Variants in KCNB2 observed in about 807,000 individuals in gnomAD.
KCNB2 encodes the protein potassium voltage-gated channel subfamily B member 2, also known as delayed rectifier potassium channel protein.
KCNB2 carries 15 observed loss-of-function variants against 61.5 expected under a neutral mutation model. That is an observed-to-expected ratio of 0.24 (90% CI 0.16 to 0.38). The LOEUF (loss-of-function observed/expected upper bound fraction) is 0.38. Among genes scored for constraint, KCNB2 ranks in the 10% least tolerant of loss-of-function variants. KCNB2 has a pLI of 1.00. For missense variants in KCNB2, 828 were observed against 1,125.2 expected, an observed-to-expected ratio of 0.74 and a Z score of 3.78; for synonymous variants, 457 against 446.0, an observed-to-expected ratio of 1.02 and a Z score of -0.31.
chr8:72,920,465 CTATCTATCTA>C lies in KCNB2; in HGVS notation c.580-15466_580-15457del, dbSNP rs1357977001. Among the ~76,000 whole-genome samples, 5 of 71,074 alleles carry C rather than the reference CTATCTATCTA, an allele frequency of 7.0e-5. 1 individual carries two copies. The highest frequency in any genetic ancestry group is 1.1e-4 in the Non-Finnish European group (4 of 35,256). The allele number at this position is 71,074 out of a possible 152,430, so 46.6% of individuals were successfully genotyped here. A position where few individuals can be genotyped will look rare whatever the true frequency, so the allele number is the denominator to read the frequency against. On this transcript the variant is annotated intron_variant, in intron 2 of 2. Transcript: ENST00000523207. Reference sequence around the variant, plus strand: ...TATATCTATCTATCTATCTATCTATCTATCTATCTATATATATATATATTAGCTGGCCATG... The same window carrying C: ...TATATCTATCTATCTATCTATCTATCTATATATATATATTAGCTGGCCATG...
intron 2 of KCNB2, among the ~76,000 whole-genome samples, chr8:72,777,673 A>G (rs1808678390): frequency 1.3e-5 from 2 of 152,238 alleles, no homozygotes; most frequent in South Asian, 4.1e-4. Context: ...TATACTCTTT[A>G]AAAATTGTGT....
chr8:72,640,800 C>A (rs1426114436), intron 2 of KCNB2, among the ~76,000 whole-genome samples: 1 of 152,026 alleles, frequency 6.6e-6, no homozygotes, highest in Non-Finnish European at 1.5e-5. Context: ...AAAACTTTAT[C>A]TTTAGACCTA....
At chr8:72,634,932 C>A (rs1805940474) in intron 2 of KCNB2, among the ~76,000 whole-genome samples, 1 of 152,108 alleles carries the variant, frequency 6.6e-6, no homozygotes, top group Admixed American at 6.6e-5. Context: ...CATTTAAGCC[C>A]CCTAGAATTC....
At chr8:72,672,825 A>G (rs145005199) in intron 2 of KCNB2, among the ~76,000 whole-genome samples, 39 of 152,302 alleles carry the variant, frequency 2.6e-4, no homozygotes, top group African/African-American at 9.1e-4. Flanking sequence ...AACTTATATC[A>G]TGCATGCTGT....
chr8:72,626,565 G>A (rs59647984), intron 2 of KCNB2, among the ~76,000 whole-genome samples: 3,913 of 152,248 alleles, frequency 0.026, 72 homozygotes, highest in South Asian at 0.079. Context: ...CACTAGTTCT[G>A]TCTAGACATT....
chr8:72,922,235 A>G (rs1266952886), intron 2 of KCNB2, among the ~76,000 whole-genome samples: 1 of 152,058 alleles, frequency 6.6e-6, no homozygotes, highest in African/African-American at 2.4e-5. Context: ...TGTGTCTCTC[A>G]TGGCCTTCTT....
At chr8:72,791,556 T>G (rs1487477514) in intron 2 of KCNB2, among the ~76,000 whole-genome samples, 4 of 151,778 alleles carry the variant, frequency 2.6e-5, no homozygotes, top group African/African-American at 4.8e-5. Context: ...TCTCAAAAAA[T>G]AAAGAAAGAA....
At chr8:72,747,685 G>A (rs1045713853) in intron 2 of KCNB2, among the ~76,000 whole-genome samples, 10 of 152,258 alleles carry the variant, frequency 6.6e-5, no homozygotes, top group African/African-American at 2.4e-4. Context: ...AGATTCTGTA[G>A]GTTCTGTATC....
In KCNB2 at chr8:72,633,054, A is replaced by G. The variant is rs566495280; in HGVS notation, c.579+64741A>G. On this transcript the variant is annotated intron_variant, in intron 2 of 2. Transcript: ENST00000523207. The stretch of plus-strand genomic sequence containing the variant: ...TGGGCTTGACTGGCTCCTCTGTTCC[A>G]GGTCTCACAAACTGAAGTCAAGATG... Among the ~76,000 whole-genome samples, 21 of 152,244 alleles carry G rather than the reference A, an allele frequency of 1.4e-4. No homozygotes were observed. The East Asian group carries it at 3.3e-3, about 24-fold the overall frequency.
At chr8:72,583,868 G>C (rs142977776) in intron 2 of KCNB2, among the ~76,000 whole-genome samples, 5 of 144,280 alleles carry the variant, frequency 3.5e-5, no homozygotes, top group African/African-American at 1.3e-4. Context: ...CATTGTCCTA[G>C]ATACCCATTT....
intron 2 of KCNB2, among the ~76,000 whole-genome samples, chr8:72,608,487 A>G (rs1305143377): frequency 2.0e-5 from 3 of 152,176 alleles, no homozygotes; most frequent in South Asian, 4.1e-4. Flanking sequence ...CTATTGAAAC[A>G]GGTACTTGAG....
chr8:72,551,961 C>G (rs1462730789), intron 1 of KCNB2, among the ~76,000 whole-genome samples: 1 of 152,056 alleles, frequency 6.6e-6, no homozygotes, highest in Non-Finnish European at 1.5e-5. Context: ...AACCGGGAGC[C>G]CAGTTCCCAA....
chr8:72,903,699 A>G (rs1257299068), intron 2 of KCNB2, among the ~76,000 whole-genome samples: 1 of 152,206 alleles, frequency 6.6e-6, no homozygotes, highest in Non-Finnish European at 1.5e-5. Context: ...CTCTAAATCC[A>G]ATGTCATCTA....
chr8:72,809,511 T>G (rs12155527), intron 2 of KCNB2, among the ~76,000 whole-genome samples: 2 of 152,248 alleles, frequency 1.3e-5, no homozygotes, highest in African/African-American at 2.4e-5. Context: ...TAAAGAGAAG[T>G]AAATTTGATT....
intron 2 of KCNB2, among the ~76,000 whole-genome samples, chr8:72,674,046 G>A (rs915458398): frequency 6.6e-6 from 1 of 152,164 alleles, no homozygotes; most frequent in African/African-American, 2.4e-5. Context: ...TCATTGTGGG[G>A]ACATTTTCCC....
intron 2 of KCNB2, among the ~76,000 whole-genome samples, chr8:72,910,589 T>A (rs1356622734): frequency 6.6e-6 from 1 of 152,134 alleles, no homozygotes; most frequent in African/African-American, 2.4e-5. Context: ...CTACTGGAAG[T>A]GGTCAGTGGA....
chr8:72,734,569 A>G (rs1394240746), intron 2 of KCNB2, among the ~76,000 whole-genome samples: 2 of 152,190 alleles, frequency 1.3e-5, no homozygotes, highest in African/African-American at 2.4e-5. Flanking sequence ...CGCCTGAACT[A>G]CAGGATCCAT....
intron 2 of KCNB2, among the ~76,000 whole-genome samples, chr8:72,934,455 G>C (rs1306635835): frequency 6.7e-6 from 1 of 149,572 alleles, no homozygotes; most frequent in Non-Finnish European, 1.5e-5. Context: ...AGTGAAAGGA[G>C]AATAACCCAG....
At chr8:72,835,131 C>A (rs1258144013) in intron 2 of KCNB2, among the ~76,000 whole-genome samples, 2 of 152,200 alleles carry the variant, frequency 1.3e-5, no homozygotes, top group Non-Finnish European at 2.9e-5. Context: ...CTCATCAGGA[C>A]AAATTCTGAC....
Sources: gnomAD v4.1 joint callset for allele counts (sites outside exome capture counted in the v4.1 genomes callset) on GRCh38, gnomAD v4.1.1 for gene constraint, MANE v1.5 for transcripts, NCBI Gene and HGNC (gene_info 2026-07-23, HGNC 2026-07-21) for gene names.